The following HPCAL1 variants were observed in gnomAD, a reference collection of about 807,000 sequenced individuals.
HPCAL1 encodes hippocalcin-like protein 1.
HPCAL1 carries 8 observed loss-of-function variants against 17.1 expected under a neutral mutation model. The observed-to-expected ratio is 0.47, with a 90% CI of 0.27 to 0.84. The LOEUF (loss-of-function observed/expected upper bound fraction) is 0.84. Ranked by LOEUF, HPCAL1 falls within the 40% of genes least tolerant of loss-of-function variation. HPCAL1 has a pLI of 0.13. For missense variants in HPCAL1, 165 were observed against 271.1 expected (o/e 0.61, Z 2.75); for synonymous variants, 112 against 111.4 (o/e 1.01, Z -0.03).
chr2:10,375,681 C>T (rs1413624151), intron 1 of HPCAL1, among the ~76,000 whole-genome samples: 1 of 152,174 alleles, frequency 6.6e-6, no homozygotes, highest in African/African-American at 2.4e-5. Context: ...ACTTTAGTTC[C>T]CTCACTGTAC....
intron 3 of HPCAL1, among the ~76,000 whole-genome samples, chr2:10,422,354 T>A (rs1671118805): frequency 6.6e-6 from 1 of 152,310 alleles, no homozygotes; most frequent in East Asian, 1.9e-4. Context: ...CTCTGCTCAG[T>A]GGCCACTCAC....
chr2:10,401,338 C>T (rs1006737355), intron 2 of HPCAL1, among the ~76,000 whole-genome samples: 2 of 152,152 alleles, frequency 1.3e-5, no homozygotes, highest in African/African-American at 4.8e-5. Context: ...CTTCTCAGAC[C>T]CCATGTGCAA....
chr2:10,349,954 AG>A (rs1475285152), intron 1 of HPCAL1, among the ~76,000 whole-genome samples: 1 of 152,118 alleles, frequency 6.6e-6, no homozygotes, highest in Non-Finnish European at 1.5e-5. Flanking sequence ...TGTAGGAACT[AG>A]CACCAAATCC....
intron 1 of HPCAL1, among the ~76,000 whole-genome samples, chr2:10,379,601 A>G (rs1391791717): frequency 4.6e-5 from 7 of 152,088 alleles, no homozygotes; most frequent in Non-Finnish European, 2.9e-5. Context: ...GATGTCTCTC[A>G]ATAGGCTTTG....
chr2:10,399,310 C>A (rs868206655), intron 2 of HPCAL1, among the ~76,000 whole-genome samples: 1 of 80,910 alleles, frequency 1.2e-5, no homozygotes, highest in African/African-American at 5.2e-5. Context: ...ACCACCACCA[C>A]CACCACCACC....
chr2:10,368,132 A>G (rs1328832982), intron 1 of HPCAL1, among the ~76,000 whole-genome samples: 1 of 150,780 alleles, frequency 6.6e-6, no homozygotes, highest in Non-Finnish European at 1.5e-5. Context: ...AGGTGTGTGC[A>G]TGTGTGCACA....
rs1332402548 is a variant in HPCAL1 at position 10,323,835 on chromosome 2, G to T, written c.-111+20658G>T. On this transcript the variant is annotated intron_variant, in intron 1 of 4. Transcript: ENST00000307845. The surrounding 1 kb of genome is among the most constrained non-coding windows in gnomAD (Gnocchi z 4.6). ...CAACAACAACAAAAATCTGCGTCTT[G>T]TCGGAACTTCCATATACACTTCCAC... Among the ~76,000 whole-genome samples the T allele has an allele frequency of 1.3e-5, 2 of 152,226 alleles. No individual in the cohort carries two copies. The highest frequency in any genetic ancestry group is 2.9e-5 in the Non-Finnish European group (2 of 68,050).
At chr2:10,305,684 A>C (rs1662576041) in intron 1 of HPCAL1, among the ~76,000 whole-genome samples, 1 of 152,264 alleles carries the variant, frequency 6.6e-6, no homozygotes, top group African/African-American at 2.4e-5. Context: ...CCCAAACTCC[A>C]GCCAATGACC....
At chr2:10,371,381 C>T (rs985710729) in intron 1 of HPCAL1, among the ~76,000 whole-genome samples, 1 of 147,648 alleles carries the variant, frequency 6.8e-6, no homozygotes, top group Non-Finnish European at 1.5e-5. Flanking sequence ...AATCATTCGC[C>T]CTGTTCACCT....
chr2:10,391,229 G>T (rs1441651866), intron 1 of HPCAL1, among the ~76,000 whole-genome samples: 1 of 151,834 alleles, frequency 6.6e-6, no homozygotes, highest in Non-Finnish European at 1.5e-5. Context: ...GAGGCTGCCA[G>T]GGGGGTTTGC....
chr2:10,399,897 T>C (rs930666436), intron 2 of HPCAL1, among the ~76,000 whole-genome samples: 1 of 152,182 alleles, frequency 6.6e-6, no homozygotes, highest in Non-Finnish European at 1.5e-5. Context: ...CAGACAAGCT[T>C]CCAGGCTCTG....
At chr2:10,422,336 G>A (rs3732120) in intron 3 of HPCAL1, among the ~76,000 whole-genome samples, 12,402 of 152,196 alleles carry the variant, frequency 0.081, 1,262 homozygotes, top group East Asian at 0.54. Flanking sequence ...CACTCCCCAC[G>A]CATGTCACTC....
chr2:10,426,955 C>T lies in HPCAL1; in HGVS notation c.*134C>T, dbSNP rs1488054157. On this transcript the variant is annotated 3_prime_UTR_variant, in exon 5 of 5. Transcript: ENST00000307845. ...GCCTGGGGCATGCGTTGCACCTGCC[C>T]AGCCCGGTGGCTGCGCCTCCCTCCT... 3.6e-5 allele frequency: 28 copies of T among 774,948 alleles called. No individual in the cohort carries two copies. In the Middle Eastern group the frequency reaches 1.9e-3, roughly 51 times the overall value. The allele number at this position is 774,948 out of a possible 1,614,324, so 48.0% of individuals were successfully genotyped here. A position where few individuals can be genotyped will look rare whatever the true frequency, so the allele number is the denominator to read the frequency against.
chr2:10,399,244 C>CCACCACCACCAT (rs1669295363), intron 2 of HPCAL1, among the ~76,000 whole-genome samples: 2 of 82,820 alleles, frequency 2.4e-5, no homozygotes, highest in Admixed American at 1.1e-4. Context: ...ACCACCATCA[C>CCACCACCACCAT]CACCACCACC....
chr2:10,408,262 G>GTC (rs112759274), intron 2 of HPCAL1, among the ~76,000 whole-genome samples: 35,876 of 151,420 alleles, frequency 0.24, 4,769 homozygotes, highest in South Asian at 0.41. Context: ...GCCCTGCTGG[G>GTC]TCTCTCTCTC....
chr2:10,426,934 G>A lies in HPCAL1; in HGVS notation c.*113G>A. The A allele has an allele frequency of 9.9e-7, 1 of 1,009,806 alleles. No individual in the cohort carries two copies. Among genetic ancestry groups the A allele is most frequent in the Middle Eastern group, 3.1e-4 (1 of 3,272 alleles). 62.6% of individuals were successfully genotyped at this position (1,009,806 alleles called of 1,614,324 possible). On this transcript the variant is annotated 3_prime_UTR_variant, in exon 5 of 5. Transcript: ENST00000307845. ...TCCTGCTCTCCCGGGCCCCGGGCCT[G>A]GGGCATGCGTTGCACCTGCCCAGCC...
intron 1 of HPCAL1, among the ~76,000 whole-genome samples, chr2:10,386,027 G>T (rs958865206): frequency 6.6e-6 from 1 of 152,136 alleles, no homozygotes; most frequent in African/African-American, 2.4e-5. Context: ...TATTAATGTC[G>T]ATAACACAGC....
intron 1 of HPCAL1, among the ~76,000 whole-genome samples, chr2:10,383,273 G>C (rs1668087001): frequency 6.6e-6 from 1 of 152,182 alleles, no homozygotes; most frequent in Admixed American, 6.5e-5. Context: ...TCAGGAGGCT[G>C]AGGTAGGAGG....
At chr2:10,422,808 T>G (rs541489114) in intron 3 of HPCAL1, among the ~76,000 whole-genome samples, 175 bp from the exon 4 acceptor site, 7 of 152,272 alleles carry the variant, frequency 4.6e-5, no homozygotes, top group African/African-American at 1.7e-4. Context: ...GAACTTCACA[T>G]AGACACCCGT....
Sources: gnomAD v4.1 joint callset for allele counts (sites outside exome capture counted in the v4.1 genomes callset) on GRCh38, gnomAD v4.1.1 for gene constraint, Gnocchi (gnomAD v3.1) non-coding constraint, MANE v1.5 for transcripts, NCBI Gene and HGNC (gene_info 2026-07-23, HGNC 2026-07-21) for gene names.